The following SRPK2 variants were observed in gnomAD, a reference collection of about 807,000 sequenced individuals.
SRPK2 encodes the protein SRSF protein kinase 2, also known as SFRS protein kinase 2.
A neutral mutation model predicts 90.8 loss-of-function variants in SRPK2; 21 were observed. The ratio of observed to expected loss-of-function variants is 0.23; its 90% confidence interval spans 0.16 to 0.33. SRPK2 has a LOEUF of 0.33. SRPK2 is among the 10% of genes least tolerant of loss of function. The pLI, the probability that SRPK2 is intolerant of heterozygous loss-of-function variation, is 1.00. For synonymous variants in SRPK2, 288 were observed against 311.1 expected (o/e 0.93, Z 0.78); for missense variants, 620 against 869.0 (o/e 0.71, Z 3.60).
chr7:105,279,986 A>G (rs1221716818), intron 2 of SRPK2, among the ~76,000 whole-genome samples: 1 of 152,246 alleles, frequency 6.6e-6, no homozygotes, highest in Non-Finnish European at 1.5e-5. Flanking sequence ...GATAAAATAC[A>G]TAAATTTTAC....
chr7:105,376,823 C>T (rs926788133), intron 2 of SRPK2, among the ~76,000 whole-genome samples: 2 of 137,990 alleles, frequency 1.4e-5, no homozygotes, highest in Non-Finnish European at 3.1e-5. Flanking sequence ...CAGTAGTGAG[C>T]CACCACGCCC....
chr7:105,342,738 T>C (rs935246690), intron 2 of SRPK2, among the ~76,000 whole-genome samples: 1 of 152,194 alleles, frequency 6.6e-6, no homozygotes, highest in African/African-American at 2.4e-5. Flanking sequence ...TCCCTAACTT[T>C]GTCATTCTCC....
chr7:105,170,487 G>A (rs1400848888), intron 3 of SRPK2, among the ~76,000 whole-genome samples: 1 of 151,962 alleles, frequency 6.6e-6, no homozygotes, highest in Non-Finnish European at 1.5e-5. Flanking sequence ...GAGGTCTGGA[G>A]TTCAAGACCA....
intron 2 of SRPK2, among the ~76,000 whole-genome samples, chr7:105,356,444 A>G (rs1431093006): frequency 6.6e-6 from 1 of 152,232 alleles, no homozygotes; most frequent in African/African-American, 2.4e-5. Context: ...AAAATTTTTA[A>G]GCCCAGTTTA....
At chr7:105,193,643 T>C (rs1563064686) in intron 3 of SRPK2, among the ~76,000 whole-genome samples, 1 of 152,240 alleles carries the variant, frequency 6.6e-6, no homozygotes, top group Non-Finnish European at 1.5e-5. Context: ...ATTTTCGCAA[T>C]ACTGATTCTA....
intron 2 of SRPK2, among the ~76,000 whole-genome samples, chr7:105,265,108 C>T (rs975835514): frequency 6.6e-6 from 1 of 152,174 alleles, no homozygotes; most frequent in Non-Finnish European, 1.5e-5. Flanking sequence ...ACACACAACA[C>T]ACACACCCCT....
At chr7:105,171,509 G>A (rs1399670472) in intron 3 of SRPK2, among the ~76,000 whole-genome samples, 1 of 152,174 alleles carries the variant, frequency 6.6e-6, no homozygotes, top group Non-Finnish European at 1.5e-5. Flanking sequence ...ACTCAATAAA[G>A]ATGTGGATGG....
chr7:105,182,633 A>T (rs1189819101), intron 3 of SRPK2, among the ~76,000 whole-genome samples: 1 of 151,742 alleles, frequency 6.6e-6, no homozygotes, highest in Non-Finnish European at 1.5e-5. Flanking sequence ...TGTGTTTTTT[A>T]TTTATTTATT....
At chr7:105,240,499 T>G (rs936166643) in intron 2 of SRPK2, among the ~76,000 whole-genome samples, 1 of 152,122 alleles carries the variant, frequency 6.6e-6, no homozygotes, top group Admixed American at 6.5e-5. Flanking sequence ...CCTAAGAATA[T>G]AGAAGAGGTA....
chr7:105,338,947 A>C (rs766019432), intron 2 of SRPK2, among the ~76,000 whole-genome samples: 1 of 152,184 alleles, frequency 6.6e-6, no homozygotes, highest in African/African-American at 2.4e-5. Flanking sequence ...ACTAAATACC[A>C]TAATACTACA....
At chr7:105,272,241 T>C (rs924436933) in intron 2 of SRPK2, among the ~76,000 whole-genome samples, 1 of 152,182 alleles carries the variant, frequency 6.6e-6, no homozygotes, top group Non-Finnish European at 1.5e-5. Context: ...CCTGATTATT[T>C]AACAGTTGTA....
intron 2 of SRPK2, among the ~76,000 whole-genome samples, chr7:105,310,332 T>C (rs1023360852): frequency 3.3e-5 from 5 of 152,152 alleles, no homozygotes; most frequent in Non-Finnish European, 7.3e-5. Context: ...GTAAATGCAT[T>C]CAGAATTGTA....
At chr7:105,287,270 AAAAAAAAAAAAAAAGAAG>A (rs1426312466) in intron 2 of SRPK2, among the ~76,000 whole-genome samples, 10 of 132,462 alleles carry the variant, frequency 7.5e-5, no homozygotes, top group African/African-American at 2.8e-4. Context: ...AAAAAAAAAA[AAAAAAAAAAAAAAAGAAG>A]AAAAGGATGC....
chr7:105,165,057 C>T (rs1859786), intron 6 of SRPK2, among the ~76,000 whole-genome samples: 126,862 of 152,134 alleles, frequency 0.83, 53,556 homozygotes, highest in Non-Finnish European at 0.88. Context: ...AGAAAAAGTA[C>T]TCATGACACT....
chr7:105,215,785 A>T (rs1189869602), intron 2 of SRPK2, among the ~76,000 whole-genome samples: 1 of 152,232 alleles, frequency 6.6e-6, no homozygotes, highest in Admixed American at 6.5e-5. Flanking sequence ...ACAATAGACA[A>T]ATCTATAGAA....
At chr7:105,254,822 T>C (rs1803020509) in intron 2 of SRPK2, among the ~76,000 whole-genome samples, 2 of 151,856 alleles carry the variant, frequency 1.3e-5, no homozygotes, top group Admixed American at 1.3e-4. Context: ...CCTGAGGAGC[T>C]GGGATTACAG....
Position 105,160,528 on chromosome 7 carries a change from A to C in SRPK2, c.600T>G (p.Cys200Trp). 6.2e-7 allele frequency: 1 copy of C among 1,613,348 alleles called. No homozygotes were observed. The highest frequency in any genetic ancestry group is 8.5e-7 in the Non-Finnish European group (1 of 1,179,270). Residue 200 changes from cysteine to tryptophan, a missense_variant, in exon 7 of 16, where the codon TGT becomes TGG. Coordinates refer to ENST00000393651, the MANE Select transcript of SRPK2 (RefSeq NM_182692.3). ...TCACCTGTCGAATGATACTCTTCAC[A>C]CAACGTACTGGGAGGCCTTGATAGT... ...KSNYQGLPVR[C>W]VKSIIRQVLQ...
chr7:105,215,538 A>G (rs1010069207), intron 2 of SRPK2, among the ~76,000 whole-genome samples: 1 of 152,212 alleles, frequency 6.6e-6, no homozygotes, highest in Non-Finnish European at 1.5e-5. Context: ...GTACATGAAC[A>G]CTCACAGCCA....
At chr7:105,282,528 G>T (rs886370514) in intron 2 of SRPK2, among the ~76,000 whole-genome samples, 1 of 152,114 alleles carries the variant, frequency 6.6e-6, no homozygotes, top group African/African-American at 2.4e-5. Context: ...AAGGGCCAGG[G>T]GCAGAGGCTC....
Sources: gnomAD v4.1 joint callset for allele counts (sites outside exome capture counted in the v4.1 genomes callset) on GRCh38, gnomAD v4.1.1 for gene constraint, MANE v1.5 for transcripts, NCBI Gene and HGNC (gene_info 2026-07-23, HGNC 2026-07-21) for gene names.